The following FBXO15 variants were observed in gnomAD, a reference collection of about 807,000 sequenced individuals.
FBXO15 encodes the protein F-box only protein 15.
In FBXO15, 30 loss-of-function variants were observed where a neutral mutation model predicts 49.5. The ratio of observed to expected loss-of-function variants is 0.61; its 90% confidence interval spans 0.45 to 0.82. FBXO15 has a LOEUF of 0.82. Among genes scored for constraint, FBXO15 ranks in the 40% least tolerant of loss-of-function variants. The pLI is 0.00. For synonymous variants in FBXO15, 250 were observed against 232.7 expected, an observed-to-expected ratio of 1.07 and a Z score of -0.68; for missense variants, 591 against 631.5, an observed-to-expected ratio of 0.94 and a Z score of 0.69.
At chr18:74,125,947 A>T in intron 6 of FBXO15, 28 bp downstream of exon 6, 1 of 1,612,018 alleles carries the variant, frequency 6.2e-7, no homozygotes, top group Non-Finnish European at 8.5e-7. Context: ...GGGAAATGAC[A>T]CAGTACATAC....
At chr18:74,120,124 G>A (rs1419704394) in intron 8 of FBXO15, among the ~76,000 whole-genome samples, 2 of 152,196 alleles carry the variant, frequency 1.3e-5, no homozygotes, top group African/African-American at 4.8e-5. Context: ...CCTCAACAAT[G>A]TACACAGTGT....
intron 8 of FBXO15, among the ~76,000 whole-genome samples, chr18:74,111,703 A>G (rs1281157679): frequency 6.6e-6 from 1 of 152,160 alleles, no homozygotes; most frequent in African/African-American, 2.4e-5. Context: ...AATAATCAGT[A>G]AAATTAAAAA....
chr18:74,077,718 C>T (rs1008624455), intron 9 of FBXO15, among the ~76,000 whole-genome samples: 1 of 152,180 alleles, frequency 6.6e-6, no homozygotes, highest in Admixed American at 6.5e-5. Flanking sequence ...ATACTGAGGG[C>T]CAGCAGATGG....
chr18:74,085,601 A>T (rs979806194), intron 8 of FBXO15, among the ~76,000 whole-genome samples: 5 of 152,022 alleles, frequency 3.3e-5, no homozygotes, highest in Non-Finnish European at 5.9e-5. Context: ...TCAAAACAAC[A>T]AAAAAAAGAC....
At chr18:74,135,984 C>T in intron 2 of FBXO15, 118 bp from the exon 3 acceptor site, 1 of 701,774 alleles carries the variant, frequency 1.4e-6, no homozygotes, top group South Asian at 2.0e-5. Flanking sequence ...AGAGACCCCT[C>T]CTGTACAAGA....
At chr18:74,136,618 A>G (rs1978742038) in intron 2 of FBXO15, among the ~76,000 whole-genome samples, 1 of 152,228 alleles carries the variant, frequency 6.6e-6, no homozygotes, top group African/African-American at 2.4e-5. Flanking sequence ...ACCAAGGGCC[A>G]TAAGTTTTTT....
intron 1 of FBXO15, chr18:74,147,422 C>G: frequency 1.9e-6 from 2 of 1,065,956 alleles, no homozygotes; most frequent in Non-Finnish European, 2.3e-6. Context: ...TGCGCGCATC[C>G]CCGGCCACAG....
intron 9 of FBXO15, 89 bp from the exon 10 acceptor site, chr18:74,073,819 A>C (rs1912145471): frequency 4.1e-6 from 6 of 1,474,896 alleles, no homozygotes; most frequent in Non-Finnish European, 4.6e-6. Context: ...ACTCACTAGA[A>C]ATGCTGCGTG....
chr18:74,081,404 C>CT (rs1912490906), intron 9 of FBXO15, among the ~76,000 whole-genome samples: 1 of 152,180 alleles, frequency 6.6e-6, no homozygotes. Flanking sequence ...CCTCTTCCTC[C>CT]TCCTCCCTCC....
At chr18:74,135,162 C>A (rs895489450) in intron 3 of FBXO15, among the ~76,000 whole-genome samples, 7 of 152,128 alleles carry the variant, frequency 4.6e-5, no homozygotes, top group African/African-American at 1.4e-4. Context: ...CTAGATCCAC[C>A]CCCTGCAAGA....
At chr18:74,142,773 G>T (rs1979165599) in intron 1 of FBXO15, among the ~76,000 whole-genome samples, 1 of 151,950 alleles carries the variant, frequency 6.6e-6, no homozygotes, top group Non-Finnish European at 1.5e-5. Context: ...GTCACATCCT[G>T]GTGTTCCAGA....
rs183374416 is a variant in FBXO15, at chr18:74,139,683, C to T, written c.227+519G>A. On this transcript the variant is annotated intron_variant, in intron 2 of 9. Transcript: ENST00000419743. The stretch of plus-strand genomic sequence containing the variant: ...TCAAGCTTTCAGGCTCCCCATGAGG[C>T]TTAGCATATAATCGGTGTTCCATAA... Among the ~76,000 whole-genome samples, 97 of 152,320 alleles carry T rather than the reference C, an allele frequency of 6.4e-4. 1 individual carries two copies. The highest frequency in any genetic ancestry group is 2.2e-3 in the African/African-American group (93 of 41,566).
intron 2 of FBXO15, among the ~76,000 whole-genome samples, chr18:74,136,846 G>A (rs766084390): frequency 1.3e-5 from 2 of 152,154 alleles, no homozygotes; most frequent in Non-Finnish European, 1.5e-5. Flanking sequence ...ATCAAGGGTC[G>A]GTGGGGGGCA....
chr18:74,140,098 T>C, intron 2 of FBXO15, 104 bp downstream of exon 2: 1 of 886,974 alleles, frequency 1.1e-6, no homozygotes. Context: ...ATCCTATTCT[T>C]AGCAAGCTCA....
At chr18:74,095,486 G>C (rs1287095090) in intron 8 of FBXO15, among the ~76,000 whole-genome samples, 1 of 152,168 alleles carries the variant, frequency 6.6e-6, no homozygotes, top group East Asian at 1.9e-4. Context: ...CCTGAGGGGA[G>C]GGAGAAGGAC....
intron 5 of FBXO15, among the ~76,000 whole-genome samples, chr18:74,127,656 C>T (rs966933330): frequency 1.3e-5 from 2 of 152,156 alleles, no homozygotes; most frequent in East Asian, 3.9e-4. Context: ...CTAAAAAACA[C>T]TTTTAGTTTT....
intron 8 of FBXO15, chr18:74,098,501 T>C (rs1418402658): frequency 2.6e-5 from 4 of 152,132 alleles, no homozygotes; most frequent in East Asian, 1.9e-4. Flanking sequence ...GAACTGAACA[T>C]GGCAGAAGAA....
At position 74,073,588 on chromosome 18, in the gene FBXO15, A is replaced by G. The variant is rs769948208; in HGVS notation, c.1406T>C (p.Val469Ala). ...CACGTGCACTCTTCCTTCCGCATCA[A>G]CGTAGTCCACGTTGTATGTCTGTCC... ...FLGQTYNVDY[V>A]DAEGRVHVEL... Residue 469 changes from valine (V) to alanine (A), a missense_variant, in exon 10 of 10, where the codon GTT (valine) becomes GCT (alanine). By Grantham distance (64) the Val-to-Ala change is moderately conservative. Coordinates refer to ENST00000419743, the MANE Select transcript of FBXO15 (RefSeq NM_001142958.2). The G allele has an allele frequency of 1.4e-5, 23 of 1,614,076 alleles. No individual in the cohort carries two copies. Among genetic ancestry groups the G allele is most frequent in the Non-Finnish European group, 1.7e-5 (20 of 1,180,042 alleles).
intron 8 of FBXO15, chr18:74,096,928 A>G (rs1476565878): frequency 6.6e-6 from 1 of 152,354 alleles, no homozygotes; most frequent in Non-Finnish European, 1.5e-5. Context: ...AGTAGGAAAG[A>G]GGAATCACCC....
Sources: gnomAD v4.1 joint callset for allele counts (sites outside exome capture counted in the v4.1 genomes callset) on GRCh38, gnomAD v4.1.1 for gene constraint, MANE v1.5 for transcripts, NCBI Gene and HGNC (gene_info 2026-07-23, HGNC 2026-07-21) for gene names.